The following DPP6 variants were observed in gnomAD, a reference collection of about 807,000 sequenced individuals.
DPP6 encodes A-type potassium channel modulatory protein DPP6.
A neutral mutation model predicts 122.6 loss-of-function variants in DPP6; 69 were observed. The observed-to-expected ratio is 0.56, with a 90% confidence interval of 0.46 to 0.69. The LOEUF (loss-of-function observed/expected upper bound fraction) is 0.69, where lower values mean the gene tolerates loss of function less well. Among genes scored for constraint, DPP6 ranks in the 30% least tolerant of loss-of-function variants. The pLI, the probability that DPP6 is intolerant of heterozygous loss-of-function variation, is 0.00. For missense variants in DPP6, 928 were observed against 1,116.9 expected (o/e 0.83, Z 2.41); for synonymous variants, 418 against 433.1 (o/e 0.97, Z 0.43).
At chr7:154,811,835 G>A (rs553561056) in intron 16 of DPP6, among the ~76,000 whole-genome samples, 4 of 152,160 alleles carry the variant, frequency 2.6e-5, no homozygotes, top group African/African-American at 9.6e-5. Flanking sequence ...CAAAAATAAC[G>A]TCTCCACTCC....
intron 5 of DPP6, among the ~76,000 whole-genome samples, chr7:154,581,832 AT>A (rs1832090672): frequency 1.3e-5 from 2 of 152,120 alleles, no homozygotes; most frequent in African/African-American, 4.8e-5. Context: ...ACTCTCTCAT[AT>A]CCCCGGAATG....
At chr7:154,089,066 G>C (rs1804629167) in intron 1 of DPP6, among the ~76,000 whole-genome samples, 1 of 152,114 alleles carries the variant, frequency 6.6e-6, no homozygotes, top group South Asian at 2.1e-4. Flanking sequence ...AAACACTAAA[G>C]TTGTGTACCC....
intron 1 of DPP6, among the ~76,000 whole-genome samples, chr7:154,425,613 T>TGGGTGG (rs553194580): frequency 1.5e-5 from 2 of 130,292 alleles, no homozygotes; most frequent in South Asian, 2.3e-4. Context: ...AATGTGTGTG[T>TGGGTGG]GTGTGTGGGT....
chr7:154,301,754 A>G (rs867786603), intron 1 of DPP6, among the ~76,000 whole-genome samples: 2 of 143,920 alleles, frequency 1.4e-5, no homozygotes, highest in African/African-American at 5.0e-5. Context: ...CTATTTCATT[A>G]TGGTAAGAAC....
the DPP6 span, among the ~76,000 whole-genome samples, chr7:153,822,172 G>T: frequency 1.5e-5 from 2 of 131,536 alleles, no homozygotes; most frequent in Non-Finnish European, 3.2e-5. Flanking sequence ...AATAGGAAAG[G>T]GGGGGAATCT....
At position 153,895,469 on chromosome 7, in the gene DPP6, C is replaced by T. The variant is rs1799368601; in HGVS notation, c.51+7735C>T. ...TCCTCAACATTGCTCTTAGGACATGCTTTAGAAGTCACCTTCCATGCCAGA... is the reference window on the plus strand; with the variant it reads ...TCCTCAACATTGCTCTTAGGACATGTTTTAGAAGTCACCTTCCATGCCAGA... On this transcript the variant is annotated intron_variant, in intron 1 of 25. Coordinates refer to the DPP6 transcript ENST00000404039. Among the ~76,000 whole-genome samples the T allele has an allele frequency of 2.0e-5, 3 of 152,220 alleles. No homozygotes were observed. In the South Asian group the frequency reaches 6.2e-4, roughly 32 times the overall value.
chr7:154,867,740 G>A (rs1584936126), intron 17 of DPP6, among the ~76,000 whole-genome samples: 3 of 152,208 alleles, frequency 2.0e-5, no homozygotes, highest in Admixed American at 1.3e-4. Context: ...AACCTCTGGT[G>A]GGGGAAGGAG....
At chr7:154,575,372 T>G in intron 5 of DPP6, among the ~76,000 whole-genome samples, 1 of 107,694 alleles carries the variant, frequency 9.3e-6, no homozygotes. Context: ...GTGATGTGTG[T>G]GTATGTGTGT....
rs374218590 is a variant in DPP6, at chr7:154,131,270, A to G, written c.243+78207A>G. Reference sequence around the variant, plus strand: ...CTCCACGGCTCCCAGAAGGGGTGTGATATGCAGTTTTAGCCCAAACTTACC... The same window carrying G: ...CTCCACGGCTCCCAGAAGGGGTGTGGTATGCAGTTTTAGCCCAAACTTACC... On this transcript the variant is annotated intron_variant, in intron 1 of 25. Coordinates refer to ENST00000377770, the MANE Select transcript of DPP6 (RefSeq NM_130797.4). Among the ~76,000 whole-genome samples the G allele has an allele frequency of 2.8e-4, 42 of 152,326 alleles. No individual in the cohort carries two copies. In the South Asian group the frequency reaches 8.7e-3, roughly 32 times the overall value.
chr7:154,503,429 T>C (rs964732592), intron 3 of DPP6, among the ~76,000 whole-genome samples: 3 of 152,214 alleles, frequency 2.0e-5, no homozygotes, highest in African/African-American at 7.2e-5. Flanking sequence ...ACCTACACGA[T>C]GTACCTGACC....
At chr7:154,758,675 A>T (rs1017525975) in intron 8 of DPP6, among the ~76,000 whole-genome samples, 1 of 152,204 alleles carries the variant, frequency 6.6e-6, no homozygotes, top group African/African-American at 2.4e-5. Context: ...CCTGGCCAAA[A>T]TACAGATTAT....
At chr7:154,436,943 T>A (rs1818921124) in intron 1 of DPP6, among the ~76,000 whole-genome samples, 1 of 152,224 alleles carries the variant, frequency 6.6e-6, no homozygotes, top group South Asian at 2.1e-4. Context: ...CTATGTCACT[T>A]AAAATTATAT....
At chr7:153,804,405 ATTT>A in the DPP6 span, among the ~76,000 whole-genome samples, 1 of 152,052 alleles carries the variant, frequency 6.6e-6, no homozygotes, top group Non-Finnish European at 1.5e-5. Flanking sequence ...TCATTCATCA[ATTT>A]TAGTGTAGAG....
At chr7:154,434,375 C>T (rs1370519019) in intron 1 of DPP6, among the ~76,000 whole-genome samples, 2 of 152,168 alleles carry the variant, frequency 1.3e-5, no homozygotes, top group African/African-American at 2.4e-5. Flanking sequence ...CCTGCAGGGC[C>T]TTTAGAAGCA....
At chr7:153,947,503 A>ATAC (rs1802003769) in intron 1 of DPP6, among the ~76,000 whole-genome samples, 1 of 152,184 alleles carries the variant, frequency 6.6e-6, no homozygotes. Context: ...AATAATAATA[A>ATAC]TAATAAGAGA....
intron 1 of DPP6, among the ~76,000 whole-genome samples, chr7:153,895,121 C>T (rs1381673951): frequency 6.6e-6 from 1 of 152,144 alleles, no homozygotes; most frequent in Non-Finnish European, 1.5e-5. Flanking sequence ...TTCAATTGTC[C>T]TCCTTTCCTT....
intron 3 of DPP6, among the ~76,000 whole-genome samples, chr7:154,533,791 G>C (rs1280292350): frequency 1.3e-5 from 2 of 151,978 alleles, no homozygotes; most frequent in African/African-American, 2.4e-5. Flanking sequence ...TGAGCTCAGA[G>C]GTCTGAAACC....
At chr7:154,709,475 C>G (rs1841033695) in intron 7 of DPP6, among the ~76,000 whole-genome samples, 1 of 152,170 alleles carries the variant, frequency 6.6e-6, no homozygotes, top group Non-Finnish European at 1.5e-5. Flanking sequence ...CCACCTTGGC[C>G]TCCCAAAGTG....
chr7:153,769,218 C>A, the DPP6 span, among the ~76,000 whole-genome samples: 3 of 152,196 alleles, frequency 2.0e-5, no homozygotes, highest in Non-Finnish European at 4.4e-5. Context: ...ACAGTTATAT[C>A]TTACTTCCTG....
Sources: allele counts gnomAD v4.1 joint callset (sites outside exome capture counted in the v4.1 genomes callset), GRCh38; gene constraint gnomAD v4.1.1; transcripts MANE v1.5; gene names NCBI Gene and HGNC (gene_info 2026-07-23, HGNC 2026-07-21).